The following TMPRSS11A variants were observed in gnomAD, a reference collection of about 807,000 sequenced individuals.
TMPRSS11A encodes transmembrane serine protease 11A, also known as transmembrane protease serine 11A.
Under a neutral mutation model 58.9 loss-of-function variants are expected in TMPRSS11A, and 53 were observed. That is an observed-to-expected ratio of 0.90 (90% CI 0.72 to 1.13). TMPRSS11A has a LOEUF of 1.13. TMPRSS11A is among the 50% of genes most tolerant of loss of function. TMPRSS11A has a pLI of 0.00. For synonymous variants in TMPRSS11A, 167 were observed against 169.8 expected (o/e 0.98, Z 0.13); for missense variants, 493 against 499.3 (o/e 0.99, Z 0.12).
intron 1 of TMPRSS11A, among the ~76,000 whole-genome samples, chr4:67,961,936 A>G (rs1200699237): frequency 1.3e-5 from 2 of 152,172 alleles, no homozygotes; most frequent in African/African-American, 4.8e-5. Context: ...TTCATAGAAA[A>G]GGACACTTTT....
At chr4:67,943,859 T>G (rs986322831) in intron 3 of TMPRSS11A, among the ~76,000 whole-genome samples, 1 of 152,186 alleles carries the variant, frequency 6.6e-6, no homozygotes, top group Non-Finnish European at 1.5e-5. Context: ...TTGTCATTTC[T>G]TTCTTTTTAA....
Position 67,952,512 on chromosome 4 carries a change from C to T in TMPRSS11A, c.12-5941G>A, listed in dbSNP as rs1721188204. Among the ~76,000 whole-genome samples the T allele has an allele frequency of 2.0e-5, 3 of 152,298 alleles. No individual in the cohort carries two copies. The South Asian group carries it at 6.2e-4, about 32-fold the overall frequency. On this transcript the variant is annotated intron_variant, in intron 1 of 9. Coordinates refer to ENST00000508048, the MANE Select transcript of TMPRSS11A (RefSeq NM_001114387.2). ...AAATTTGATTTTGCTTTCATATCTCCTCCCTTTCCACTGGCTTTAAATTCT... is the reference window on the plus strand; with the variant it reads ...AAATTTGATTTTGCTTTCATATCTCTTCCCTTTCCACTGGCTTTAAATTCT...
At chr4:67,915,713 G>A (rs146714240) in intron 8 of TMPRSS11A, among the ~76,000 whole-genome samples, 77 of 152,258 alleles carry the variant, frequency 5.1e-4, no homozygotes, top group South Asian at 1.5e-3. Context: ...CTACAGCTGC[G>A]AGTAAAGGAA....
At chr4:67,937,044 G>C (rs1720770827) in intron 3 of TMPRSS11A, among the ~76,000 whole-genome samples, 1 of 152,176 alleles carries the variant, frequency 6.6e-6, no homozygotes. Context: ...ATGAGAGAGA[G>C]AGAATCATTT....
At chr4:67,945,521 T>A (rs1480555115) in intron 2 of TMPRSS11A, among the ~76,000 whole-genome samples, 1 of 152,186 alleles carries the variant, frequency 6.6e-6, no homozygotes, top group African/African-American at 2.4e-5. Flanking sequence ...CAAACCTTAC[T>A]CTCATTGTAA....
Position 67,911,382 on chromosome 4 carries a change from G to A in TMPRSS11A, c.1217C>T (p.Thr406Ile), listed in dbSNP as rs768874044. 5 of 1,613,316 alleles carry A rather than the reference G, an allele frequency of 3.1e-6. No homozygotes were observed. The highest frequency in any genetic ancestry group is 4.2e-6 in the Non-Finnish European group (5 of 1,179,510). ...TGAAGCAATCCAGTTTCGGTAATAA[G>A]TCACTTGTGTGTAGACTCCAGGCTT... ...KDKPGVYTQV[T>I]YYRNWIASKT... Residue 406 changes from threonine (T) to isoleucine (I), a missense_variant, in exon 10 of 10, where the codon ACT (threonine) becomes ATT (isoleucine). Transcript: ENST00000508048.
At chr4:67,924,289 T>C in intron 5 of TMPRSS11A, 123 bp from the exon 6 acceptor site, 2 of 820,956 alleles carry the variant, frequency 2.4e-6, no homozygotes, top group South Asian at 2.8e-5. Flanking sequence ...TATAGATTAA[T>C]TAGGAGAATG....
At chr4:67,945,213 A>G (rs1371853600) in intron 2 of TMPRSS11A, among the ~76,000 whole-genome samples, 3 of 152,188 alleles carry the variant, frequency 2.0e-5, no homozygotes, top group Admixed American at 1.3e-4. Flanking sequence ...GGATAAATCT[A>G]TTAGGAAATG....
intron 7 of TMPRSS11A, among the ~76,000 whole-genome samples, chr4:67,920,431 T>C (rs1229794549): frequency 6.6e-6 from 1 of 151,146 alleles, no homozygotes; most frequent in East Asian, 1.9e-4. Flanking sequence ...ATTGGAAGCA[T>C]ATTTTAAGGA....
chr4:67,949,217 C>T (rs761031400), intron 1 of TMPRSS11A, among the ~76,000 whole-genome samples: 3 of 152,098 alleles, frequency 2.0e-5, no homozygotes, highest in Non-Finnish European at 2.9e-5. Context: ...TCTCCCACCA[C>T]CAAGACACAT....
In TMPRSS11A at chr4:67,911,358, G is replaced by A; in HGVS notation, c.1241C>T (p.Ser414Leu). ...QVTYYRNWIA[S>L]KTGI ...TATCGTGAATTAGATGCCTGTTTTTGAAGCAATCCAGTTTCGGTAATAAGT... is the reference window on the plus strand; with the variant it reads ...TATCGTGAATTAGATGCCTGTTTTTAAAGCAATCCAGTTTCGGTAATAAGT... The change falls in exon 10 of 10, where the codon TCA becomes TTA. Residue 414 changes from serine to leucine, a missense_variant. Physicochemically the swap from Ser to Leu is moderately radical, Grantham distance 145. Transcript: ENST00000508048. 1 of 1,612,636 alleles carries A rather than the reference G, an allele frequency of 6.2e-7. No individual in the cohort carries two copies. Among genetic ancestry groups the A allele is most frequent in the East Asian group, 2.2e-5 (1 of 44,836 alleles).
At chr4:67,931,416 A>T (rs558866836) in intron 4 of TMPRSS11A, among the ~76,000 whole-genome samples, 1 of 152,290 alleles carries the variant, frequency 6.6e-6, no homozygotes, top group East Asian at 1.9e-4. Flanking sequence ...GTGTTCTGCT[A>T]TGTAGTTTTT....
intron 5 of TMPRSS11A, among the ~76,000 whole-genome samples, chr4:67,927,043 G>T (rs531180654): frequency 4.6e-5 from 7 of 152,290 alleles, no homozygotes; most frequent in African/African-American, 1.7e-4. Context: ...AAGAGGAGCT[G>T]CCCACTGTGG....
At chr4:67,936,334 G>GTC (rs551987173) in intron 3 of TMPRSS11A, among the ~76,000 whole-genome samples, 3 of 142,894 alleles carry the variant, frequency 2.1e-5, no homozygotes, top group Non-Finnish European at 3.0e-5. Context: ...AACTCTAGGT[G>GTC]TTTTTTTTTT....
In TMPRSS11A at chr4:67,918,619, A is replaced by T. The variant is rs1021457908; in HGVS notation, c.952+354T>A. On this transcript the variant is annotated intron_variant, in intron 8 of 9. Coordinates refer to ENST00000508048, the MANE Select transcript of TMPRSS11A (RefSeq NM_001114387.2). ...GGTGTTGTTAGCCACCTCTGACACTAGGTGAAGCTAGCATCCCTCTGAATG... is the reference window on the plus strand; with the variant it reads ...GGTGTTGTTAGCCACCTCTGACACTTGGTGAAGCTAGCATCCCTCTGAATG... 7.2e-5 allele frequency among the ~76,000 whole-genome samples: 11 copies of T among 152,314 alleles called. No individual in the cohort carries two copies. The South Asian group carries it at 2.3e-3, about 32-fold the overall frequency.
intron 3 of TMPRSS11A, 106 bp from the exon 4 acceptor site, chr4:67,932,166 C>T: frequency 3.4e-6 from 2 of 590,100 alleles, no homozygotes; most frequent in East Asian, 5.7e-5. Context: ...ACAGAACTAA[C>T]ATCATTATTT....
chr4:67,961,807 C>A (rs1033335047), intron 1 of TMPRSS11A, among the ~76,000 whole-genome samples: 1 of 152,106 alleles, frequency 6.6e-6, no homozygotes, highest in Non-Finnish European at 1.5e-5. Context: ...GCCACCACGC[C>A]CAGCCTGTTT....
Position 67,961,054 on chromosome 4 carries a change from A to T in TMPRSS11A, c.11+2329T>A, listed in dbSNP as rs137876448. On this transcript the variant is annotated intron_variant, in intron 1 of 9. Coordinates refer to ENST00000508048, the MANE Select transcript of TMPRSS11A (RefSeq NM_001114387.2). ...AGGTGTATGGCTATTCTTAAAGGAAAATTCAAACAGATTCACACCAAAACA... is the reference window on the plus strand; with the variant it reads ...AGGTGTATGGCTATTCTTAAAGGAATATTCAAACAGATTCACACCAAAACA... 3.9e-4 allele frequency among the ~76,000 whole-genome samples: 60 copies of T among 152,314 alleles called. No homozygotes were observed. The East Asian group carries it at 0.011, about 29-fold the overall frequency.
At chr4:67,958,768 T>C (rs1344577121) in intron 1 of TMPRSS11A, among the ~76,000 whole-genome samples, 5 of 152,164 alleles carry the variant, frequency 3.3e-5, no homozygotes, top group African/African-American at 1.2e-4. Context: ...ATGGTTTGGC[T>C]GTGTCCCCAC....
Sources: allele counts gnomAD v4.1 joint callset (sites outside exome capture counted in the v4.1 genomes callset), GRCh38; gene constraint gnomAD v4.1.1; transcripts MANE v1.5; gene names NCBI Gene and HGNC (gene_info 2026-07-23, HGNC 2026-07-21).